Variants in SHROOM2 observed in about 807,000 individuals in gnomAD.
The protein encoded by SHROOM2 is protein Shroom2.
In SHROOM2, 33 loss-of-function variants were observed where a neutral mutation model predicts 75.9. The observed-to-expected ratio is 0.43, with a 90% CI of 0.33 to 0.58. SHROOM2 has a LOEUF of 0.58. Among genes scored for constraint, SHROOM2 ranks in the 20% least tolerant of loss-of-function variants. SHROOM2 has a pLI of 0.04. For missense variants in SHROOM2, 1,434 were observed against 1,461.2 expected (o/e 0.98, Z 0.30); for synonymous variants, 655 against 663.6 (o/e 0.99, Z 0.20).
chrX:9,928,176 G>T (rs965747798), intron 5 of SHROOM2, among the ~76,000 whole-genome samples: 1 of 112,169 alleles, frequency 8.9e-6, no homozygotes, highest in African/African-American at 3.2e-5. Flanking sequence ...CAGGGAGAAT[G>T]GCAGGGCCGT....
chrX:9,820,354 G>C (rs1437481201), intron 1 of SHROOM2, among the ~76,000 whole-genome samples: 2 of 108,090 alleles, frequency 1.9e-5, no homozygotes, highest in Admixed American at 1.0e-4. Flanking sequence ...GCTTCTAGAA[G>C]CAGCCTGCAT....
intron 2 of SHROOM2, among the ~76,000 whole-genome samples, chrX:9,885,999 G>A (rs186559923): frequency 3.6e-5 from 4 of 110,114 alleles, no homozygotes; most frequent in African/African-American, 1.3e-4. Flanking sequence ...TGCTGACCGT[G>A]TCATATGTAA....
chrX:9,890,920 G>A (rs772073750), intron 2 of SHROOM2, 57 bp from the exon 3 acceptor site: 13 of 1,129,601 alleles, frequency 1.2e-5, no homozygotes, highest in East Asian at 6.6e-5. Flanking sequence ...TGTTTGGCAC[G>A]AGAGTGAGCG....
chrX:9,865,526 T>TC (rs1473880567), intron 1 of SHROOM2: 5 of 106,973 alleles, frequency 4.7e-5, no homozygotes, highest in Non-Finnish European at 9.6e-5. Context: ...GTGCTTTTTT[T>TC]CCCTAAGGAT....
intron 5 of SHROOM2, among the ~76,000 whole-genome samples, chrX:9,898,770 A>G (rs2084349123): frequency 8.9e-6 from 1 of 111,848 alleles, no homozygotes; most frequent in Admixed American, 9.5e-5. Context: ...AATTGGACCT[A>G]GTTAATGAGT....
intron 1 of SHROOM2, among the ~76,000 whole-genome samples, chrX:9,858,761 C>T (rs1475977843): frequency 7.2e-5 from 8 of 111,624 alleles, no homozygotes; most frequent in Non-Finnish European, 1.1e-4. Flanking sequence ...GCTGAGACCG[C>T]GCCACTGCAC....
intron 5 of SHROOM2, among the ~76,000 whole-genome samples, chrX:9,902,106 G>A (rs1365046293): frequency 4.5e-5 from 5 of 111,097 alleles, no homozygotes; most frequent in African/African-American, 1.6e-4. Flanking sequence ...TGGATGGATA[G>A]ATGGATGAAT....
chrX:9,895,969 C>T lies in SHROOM2; in HGVS notation c.2061C>T (p.Ala687=). 8.3e-7 allele frequency: 1 copy of T among 1,199,541 alleles called. No homozygotes were observed. The highest frequency in any genetic ancestry group is 3.0e-5 in the East Asian group (1 of 33,257). ...AGTYKDHLKE[A]QARVLRATSF... ...CCTATAAAGACCACCTGAAAGAGGC[C>T]CAAGCCCGGGTCCTGAGGGCCACGT... Residue 687 remains alanine (A), a synonymous_variant, in exon 4 of 10, where the codon GCC becomes GCT. Coordinates refer to ENST00000380913, the MANE Select transcript of SHROOM2 (RefSeq NM_001649.4).
intron 5 of SHROOM2, among the ~76,000 whole-genome samples, chrX:9,930,776 T>A (rs1197349181): frequency 5.4e-5 from 6 of 111,008 alleles, no homozygotes; most frequent in African/African-American, 2.0e-4. Flanking sequence ...GGAGTCTTGC[T>A]TTGTCACCCA....
chrX:9,879,015 A>G (rs2084217197), intron 2 of SHROOM2, among the ~76,000 whole-genome samples: 1 of 110,736 alleles, frequency 9.0e-6, no homozygotes, highest in Non-Finnish European at 1.9e-5. Flanking sequence ...TATTTCATTT[A>G]TTTATTTTAT....
intron 2 of SHROOM2, among the ~76,000 whole-genome samples, chrX:9,884,115 A>G (rs6530337): frequency 0.22 from 24,473 of 110,288 alleles, 2,576 homozygotes; most frequent in African/African-American, 0.39. Context: ...AATACCACCA[A>G]CACCCCCCGC....
intron 5 of SHROOM2, 146 bp from the exon 6 acceptor site, chrX:9,932,029 T>A (rs1310406077): frequency 2.3e-6 from 1 of 431,264 alleles, no homozygotes; most frequent in Non-Finnish European, 3.6e-6. Flanking sequence ...GCATGAGGAG[T>A]TGCGGTGGCG....
chrX:9,812,559 G>A (rs749802914), intron 1 of SHROOM2, among the ~76,000 whole-genome samples: 129 of 112,223 alleles, frequency 1.1e-3, no homozygotes, highest in African/African-American at 4.0e-3. Context: ...TACTGAGGTA[G>A]AAGGTCCGTG....
intron 1 of SHROOM2, among the ~76,000 whole-genome samples, chrX:9,873,110 G>T (rs966635968): frequency 1.5e-4 from 17 of 112,174 alleles, no homozygotes; most frequent in African/African-American, 5.2e-4. Context: ...TACATTTGTG[G>T]TTGCCAGAGG....
intron 1 of SHROOM2, among the ~76,000 whole-genome samples, chrX:9,857,608 C>T (rs1601948558): frequency 9.1e-6 from 1 of 110,443 alleles, no homozygotes; most frequent in East Asian, 2.8e-4. Context: ...AGGCTGGTCT[C>T]GAACTCCTGG....
intron 7 of SHROOM2, among the ~76,000 whole-genome samples, chrX:9,938,692 G>A (rs2084739744): frequency 8.9e-6 from 1 of 112,516 alleles, no homozygotes; most frequent in Admixed American, 9.4e-5. Context: ...CATCTTCCCT[G>A]CTGCTGACAT....
At chrX:9,836,640 C>T (rs1372487533) in intron 1 of SHROOM2, among the ~76,000 whole-genome samples, 2 of 109,564 alleles carry the variant, frequency 1.8e-5, no homozygotes, top group Non-Finnish European at 3.8e-5. Flanking sequence ...TTGACCACAC[C>T]GGTCTTGAAC....
intron 1 of SHROOM2, among the ~76,000 whole-genome samples, chrX:9,845,297 A>G (rs1021556681): frequency 8.9e-6 from 1 of 111,900 alleles, no homozygotes; most frequent in African/African-American, 3.2e-5. Flanking sequence ...GCCCATGTTT[A>G]TGGGGCACTG....
chrX:9,911,259 A>G (rs1262893003), intron 5 of SHROOM2, among the ~76,000 whole-genome samples: 2 of 111,795 alleles, frequency 1.8e-5, no homozygotes, highest in African/African-American at 6.5e-5. Context: ...GCCCTGGATC[A>G]TGGGGATATG....
Sources: gnomAD v4.1 joint callset for allele counts (sites outside exome capture counted in the v4.1 genomes callset) on GRCh38, gnomAD v4.1.1 for gene constraint, MANE v1.5 for transcripts, NCBI Gene and HGNC (gene_info 2026-07-23, HGNC 2026-07-21) for gene names.